Variants in LRRC20 observed in about 807,000 individuals in gnomAD.
The protein encoded by LRRC20 is leucine-rich repeat-containing protein 20.
Under a neutral mutation model 14.4 loss-of-function variants are expected in LRRC20, and 11 were observed. The observed-to-expected ratio is 0.77, with a 90% confidence interval of 0.48 to 1.27. The LOEUF (loss-of-function observed/expected upper bound fraction) is 1.27, where lower values mean the gene tolerates loss of function less well. LRRC20 is among the 50% of genes most tolerant of loss of function. LRRC20 has a pLI of 0.00. For synonymous variants in LRRC20, 121 were observed against 107.3 expected (o/e 1.13, Z -0.79); for missense variants, 219 against 251.2 (o/e 0.87, Z 0.87).
intron 2 of LRRC20, among the ~76,000 whole-genome samples, chr10:70,344,717 C>T (rs899938240): frequency 1.3e-5 from 2 of 152,114 alleles, no homozygotes; most frequent in African/African-American, 4.8e-5. Context: ...CAGGCACGTG[C>T]CATCAAACCC....
At chr10:70,312,695 A>T (rs1183736868) in intron 4 of LRRC20, among the ~76,000 whole-genome samples, 1 of 152,122 alleles carries the variant, frequency 6.6e-6, no homozygotes, top group Admixed American at 6.5e-5. Context: ...ACTGCCATTT[A>T]AAGCTGTGCA....
intron 2 of LRRC20, among the ~76,000 whole-genome samples, chr10:70,360,076 C>T (rs559717137): frequency 9.9e-5 from 15 of 152,068 alleles, no homozygotes; most frequent in South Asian, 2.1e-4. Flanking sequence ...CCACCACACC[C>T]GGCTAATTTT....
Position 70,300,268 on chromosome 10 carries a change from C to G in LRRC20, c.*1086G>C. On this transcript the variant is annotated 3_prime_UTR_variant, in exon 5 of 5. Coordinates refer to ENST00000446961, the MANE Select transcript of LRRC20 (RefSeq NM_001278212.2). The stretch of plus-strand genomic sequence containing the variant: ...CCTGGTAGGGGACCAACCATCCCCA[C>G]TTGCTGGGTACTGTCCCAGTTTTAG... 2.6e-6 allele frequency: 2 copies of G among 783,920 alleles called. No homozygotes were observed. Among genetic ancestry groups the G allele is most frequent in the Non-Finnish European group, 3.1e-6 (2 of 646,004 alleles). 48.6% of individuals were successfully genotyped at this position (783,920 alleles called of 1,614,324 possible).
chr10:70,337,774 T>G (rs1279222107), intron 3 of LRRC20, among the ~76,000 whole-genome samples: 1 of 152,190 alleles, frequency 6.6e-6, no homozygotes, highest in African/African-American at 2.4e-5. Context: ...GAGGACAATG[T>G]GTCCTGCAAC....
At chr10:70,381,491 T>C (rs2137199114) in intron 1 of LRRC20, 1 of 152,340 alleles carries the variant, frequency 6.6e-6, no homozygotes, top group East Asian at 1.9e-4. Context: ...TTACCATCAA[T>C]AACTCTACCT....
At chr10:70,359,791 C>T (rs1288831303) in intron 2 of LRRC20, among the ~76,000 whole-genome samples, 2 of 152,214 alleles carry the variant, frequency 1.3e-5, no homozygotes, top group Admixed American at 6.5e-5. Flanking sequence ...CAAAAGTTCT[C>T]GTCAACACTG....
At chr10:70,368,050 C>T (rs186268982) in intron 2 of LRRC20, among the ~76,000 whole-genome samples, 1 of 100,608 alleles carries the variant, frequency 9.9e-6, no homozygotes, top group Non-Finnish European at 2.0e-5. Context: ...GTAGCACAAT[C>T]TTGGCTCACT....
intron 3 of LRRC20, among the ~76,000 whole-genome samples, chr10:70,329,895 T>C (rs1842472009): frequency 6.6e-6 from 1 of 152,178 alleles, no homozygotes. Flanking sequence ...TTACACTGAT[T>C]GATTTCTAAA....
chr10:70,316,031 C>T (rs912915958), intron 4 of LRRC20, among the ~76,000 whole-genome samples: 2 of 152,110 alleles, frequency 1.3e-5, no homozygotes, highest in Admixed American at 1.3e-4. Flanking sequence ...CATCAGGCGG[C>T]TCTCCAGCAC....
At chr10:70,308,354 G>A (rs897470552) in intron 4 of LRRC20, among the ~76,000 whole-genome samples, 6 of 152,082 alleles carry the variant, frequency 3.9e-5, no homozygotes, top group South Asian at 2.1e-4. Flanking sequence ...ACACCGAGAC[G>A]GAGAAGACTC....
At chr10:70,358,927 A>C (rs1271875171) in intron 2 of LRRC20, among the ~76,000 whole-genome samples, 9 of 152,104 alleles carry the variant, frequency 5.9e-5, no homozygotes, top group African/African-American at 2.2e-4. Context: ...ACATAGTTAC[A>C]CCCCTCACCA....
intron 3 of LRRC20, among the ~76,000 whole-genome samples, chr10:70,336,204 G>A (rs528673118): frequency 6.6e-5 from 10 of 152,296 alleles, no homozygotes; most frequent in South Asian, 2.1e-4. Flanking sequence ...TCACTCACCC[G>A]TGCATTCCCA....
chr10:70,351,810 C>T (rs1239986728), intron 2 of LRRC20, among the ~76,000 whole-genome samples: 3 of 152,082 alleles, frequency 2.0e-5, no homozygotes, highest in South Asian at 2.1e-4. Context: ...TGTAATTGAT[C>T]GATCCTAATC....
chr10:70,309,532 A>C (rs1780455035), intron 4 of LRRC20, among the ~76,000 whole-genome samples: 1 of 152,236 alleles, frequency 6.6e-6, no homozygotes, highest in Non-Finnish European at 1.5e-5. Context: ...ATGACAGGCA[A>C]GTTTCACTGA....
rs1420086240 is a variant in LRRC20, at chr10:70,299,571, C to CT, written c.*1782dup. Reference sequence around the variant, plus strand: ...TGCCGCTGCTGGTCCACAGACCACACTTTGAGTTGCAAGGCTCTGGTCATA... The same window carrying CT: ...TGCCGCTGCTGGTCCACAGACCACACTTTTGAGTTGCAAGGCTCTGGTCATA... On this transcript the variant is annotated 3_prime_UTR_variant, in exon 5 of 5. Coordinates refer to ENST00000446961, the MANE Select transcript of LRRC20 (RefSeq NM_001278212.2). The CT allele has an allele frequency of 6.6e-6, 1 of 152,322 alleles. No individual in the cohort carries two copies. The highest frequency in any genetic ancestry group is 1.5e-5 in the Non-Finnish European group (1 of 68,134). The allele number at this position is 152,322 out of a possible 1,614,324, so 9.4% of individuals were successfully genotyped here. A position where few individuals can be genotyped will look rare whatever the true frequency, so the allele number is the denominator to read the frequency against.
At chr10:70,372,785 G>A (rs1189941542) in intron 2 of LRRC20, among the ~76,000 whole-genome samples, 3 of 151,900 alleles carry the variant, frequency 2.0e-5, no homozygotes, top group Non-Finnish European at 2.9e-5. Flanking sequence ...GAAATATTAC[G>A]CTCCATTGTT....
intron 2 of LRRC20, among the ~76,000 whole-genome samples, chr10:70,376,129 CG>C (rs1175841862): frequency 3.3e-5 from 5 of 152,108 alleles, no homozygotes; most frequent in Non-Finnish European, 5.9e-5. Flanking sequence ...GCGCCCAGCA[CG>C]GGGCCTGGCA....
At chr10:70,373,673 A>G (rs1318986229) in intron 2 of LRRC20, among the ~76,000 whole-genome samples, 1 of 152,240 alleles carries the variant, frequency 6.6e-6, no homozygotes, top group Non-Finnish European at 1.5e-5. Context: ...CTTGAGCTTC[A>G]GGCAAGATCG....
Position 70,350,703 on chromosome 10 carries a change from C to T in LRRC20, c.83-10001G>A, listed in dbSNP as rs569047431. Among the ~76,000 whole-genome samples the T allele has an allele frequency of 5.9e-5, 9 of 152,254 alleles. No individual in the cohort carries two copies. In the South Asian group the frequency reaches 1.2e-3, roughly 21 times the overall value. On this transcript the variant is annotated intron_variant, in intron 2 of 4. Coordinates refer to ENST00000446961, the MANE Select transcript of LRRC20 (RefSeq NM_001278212.2). Reference sequence around the variant, plus strand: ...CCAACCAAGTCACAGGGCCCAGAGGCGAGGGTGTCAGGGACTCAGGCCAGT... The same window carrying T: ...CCAACCAAGTCACAGGGCCCAGAGGTGAGGGTGTCAGGGACTCAGGCCAGT...
Sources: gnomAD v4.1 joint callset for allele counts (sites outside exome capture counted in the v4.1 genomes callset) on GRCh38, gnomAD v4.1.1 for gene constraint, MANE v1.5 for transcripts, NCBI Gene and HGNC (gene_info 2026-07-23, HGNC 2026-07-21) for gene names.